The following STAM2 variants were observed in gnomAD, a reference collection of about 807,000 sequenced individuals.
STAM2 encodes the protein signal transducing adapter molecule 2.
Under a neutral mutation model 65.6 loss-of-function variants are expected in STAM2, and 51 were observed. The ratio of observed to expected loss-of-function variants is 0.78; its 90% CI spans 0.62 to 0.98. STAM2 has a LOEUF of 0.98. Ranked by LOEUF, STAM2 falls within the 50% of genes least tolerant of loss-of-function variation. STAM2 has a pLI of 0.00. For missense variants in STAM2, 584 were observed against 617.8 expected (o/e 0.95, Z 0.58); for synonymous variants, 198 against 208.4 (o/e 0.95, Z 0.43).
intron 7 of STAM2, among the ~76,000 whole-genome samples, chr2:152,136,475 A>T (rs1341042325): frequency 2.0e-5 from 3 of 152,084 alleles, no homozygotes; most frequent in Non-Finnish European, 4.4e-5. Context: ...TTAAAAAGTA[A>T]ACAGGAAACA....
intron 1 of STAM2, among the ~76,000 whole-genome samples, chr2:152,159,352 C>T (rs968679781): frequency 1.3e-5 from 2 of 151,384 alleles, no homozygotes; most frequent in Non-Finnish European, 2.9e-5. Context: ...AAGAAAAAAA[C>T]CAGAAAATGA....
chr2:152,145,995 C>T (rs182685444), intron 5 of STAM2, among the ~76,000 whole-genome samples: 113 of 152,110 alleles, frequency 7.4e-4, no homozygotes, highest in Middle Eastern at 3.4e-3. Context: ...TTTCGGCCAG[C>T]GTGGTGGCTC....
chr2:152,142,522 A>G (rs2105544187), intron 7 of STAM2, among the ~76,000 whole-genome samples: 1 of 152,332 alleles, frequency 6.6e-6, no homozygotes, highest in South Asian at 2.1e-4. Context: ...CTTTACAGAC[A>G]GTGTCAAACT....
intron 7 of STAM2, among the ~76,000 whole-genome samples, chr2:152,139,858 TAATACAATATATTGTATTTAAA>T (rs984728563): frequency 2.2e-4 from 33 of 152,260 alleles, no homozygotes; most frequent in African/African-American, 7.5e-4. Flanking sequence ...AAAAAATTTT[TAATACAATATATTGTATTTAAA>T]AATACAATAT....
At chr2:152,153,077 T>A (rs772027181) in intron 1 of STAM2, among the ~76,000 whole-genome samples, 1 of 152,188 alleles carries the variant, frequency 6.6e-6, no homozygotes, top group Non-Finnish European at 1.5e-5. Context: ...GGTAAACTGT[T>A]AAAAAGCATG....
intron 5 of STAM2, 113 bp from the exon 6 acceptor site, chr2:152,145,070 T>C: frequency 2.4e-6 from 2 of 841,724 alleles, no homozygotes; most frequent in Non-Finnish European, 3.9e-6. Flanking sequence ...GAGTTTCATT[T>C]AAAAGTGAAG....
At chr2:152,174,911 T>C (rs1689984398) in intron 1 of STAM2, among the ~76,000 whole-genome samples, 1 of 152,230 alleles carries the variant, frequency 6.6e-6, no homozygotes. Context: ...CATTCTATAG[T>C]CACTGAGAGA....
chr2:152,123,707 C>T (rs1055242937), intron 13 of STAM2, 59 bp downstream of exon 13: 1 of 1,511,230 alleles, frequency 6.6e-7, no homozygotes, highest in East Asian at 2.3e-5. Flanking sequence ...TATATATTCT[C>T]ATTCTGAAAA....
At chr2:152,138,651 A>G (rs1689196509) in intron 7 of STAM2, among the ~76,000 whole-genome samples, 1 of 152,218 alleles carries the variant, frequency 6.6e-6, no homozygotes, top group Non-Finnish European at 1.5e-5. Flanking sequence ...ATTTATGAGC[A>G]CTAGAAAGAG....
chr2:152,127,554 C>T (rs1688982817), intron 11 of STAM2, among the ~76,000 whole-genome samples: 1 of 151,208 alleles, frequency 6.6e-6, no homozygotes, highest in Non-Finnish European at 1.5e-5. Flanking sequence ...AAAAAAACCA[C>T]ACACACACAT....
At chr2:152,152,447 G>C (rs1378208292) in intron 1 of STAM2, among the ~76,000 whole-genome samples, 1 of 152,004 alleles carries the variant, frequency 6.6e-6, no homozygotes, top group South Asian at 2.1e-4. Context: ...TACTCGGAAG[G>C]CTGAGGCAGG....
intron 7 of STAM2, among the ~76,000 whole-genome samples, chr2:152,142,150 T>C (rs1417629371): frequency 6.6e-6 from 1 of 152,192 alleles, no homozygotes; most frequent in East Asian, 1.9e-4. Context: ...ACTATAAAAG[T>C]AGGGTGTCCT....
At chr2:152,168,473 C>T (rs779624823) in intron 1 of STAM2, among the ~76,000 whole-genome samples, 1 of 152,016 alleles carries the variant, frequency 6.6e-6, no homozygotes, top group African/African-American at 2.4e-5. Context: ...GCCTATTACA[C>T]GCAACACCTC....
At chr2:152,126,888 T>A (rs1270262799) in intron 11 of STAM2, among the ~76,000 whole-genome samples, 1 of 152,186 alleles carries the variant, frequency 6.6e-6, no homozygotes, top group Non-Finnish European at 1.5e-5. Flanking sequence ...TATAACTTTG[T>A]AACTTCACCC....
chr2:152,135,418 A>G, intron 8 of STAM2, 91 bp downstream of exon 8: 1 of 895,078 alleles, frequency 1.1e-6, no homozygotes. Flanking sequence ...ACAAAAGTTA[A>G]ATGCCAATCT....
At chr2:152,159,722 T>G (rs955816395) in intron 1 of STAM2, among the ~76,000 whole-genome samples, 1 of 152,004 alleles carries the variant, frequency 6.6e-6, no homozygotes, top group Non-Finnish European at 1.5e-5. Context: ...CCTCTCCCTC[T>G]CCCTCTCCCC....
chr2:152,142,162 T>C (rs1193472575), intron 7 of STAM2, among the ~76,000 whole-genome samples: 1 of 152,196 alleles, frequency 6.6e-6, no homozygotes, highest in African/African-American at 2.4e-5. Flanking sequence ...GGGTGTCCTA[T>C]CGTCAAAATG....
In STAM2 at chr2:152,162,838, G is replaced by T. The variant is rs1342419241; in HGVS notation, c.41-12609C>A. ...TTTTTTTTTAATTTTTGTATTTTTA[G>T]TAGAGACAAGGTTTCACCATGTTGG... On this transcript the variant is annotated intron_variant, in intron 1 of 13. Transcript: ENST00000263904. Among the ~76,000 whole-genome samples the T allele has an allele frequency of 3.5e-4, 53 of 149,454 alleles. 2 individuals carry two copies. The highest frequency in any genetic ancestry group is 1.5e-5 in the Non-Finnish European group (1 of 67,670).
intron 13 of STAM2, among the ~76,000 whole-genome samples, chr2:152,123,148 C>A (rs1333943289): frequency 6.6e-6 from 1 of 151,350 alleles, no homozygotes; most frequent in Admixed American, 6.6e-5. Flanking sequence ...GCGGGTGGAA[C>A]ATCACGAGGT....
Sources: allele counts gnomAD v4.1 joint callset (sites outside exome capture counted in the v4.1 genomes callset), GRCh38; gene constraint gnomAD v4.1.1; transcripts MANE v1.5; gene names NCBI Gene and HGNC (gene_info 2026-07-23, HGNC 2026-07-21).